Variants in PLEKHA7 observed in about 807,000 individuals in gnomAD.
PLEKHA7 encodes pleckstrin homology domain containing A7.
Under a neutral mutation model 170.0 loss-of-function variants are expected in PLEKHA7, and 104 were observed. The observed-to-expected ratio is 0.61, with a 90% CI of 0.52 to 0.72. The LOEUF is 0.72. PLEKHA7 is among the 30% of genes least tolerant of loss of function. The pLI, the probability that PLEKHA7 is intolerant of heterozygous loss-of-function variation, is 0.00. For synonymous variants in PLEKHA7, 648 were observed against 660.8 expected, an observed-to-expected ratio of 0.98 and a Z score of 0.30; for missense variants, 1,615 against 1,671.7, an observed-to-expected ratio of 0.97 and a Z score of 0.59.
intron 3 of PLEKHA7, among the ~76,000 whole-genome samples, chr11:16,965,420 G>A (rs1291323986): frequency 6.6e-6 from 1 of 152,148 alleles, no homozygotes; most frequent in Admixed American, 6.5e-5. Context: ...CAATGGCAAT[G>A]AGAAAGATAT....
rs144786144 is a variant in PLEKHA7 at position 16,836,658 on chromosome 11, T to C, written c.872+4889A>G. On this transcript the variant is annotated intron_variant, in intron 9 of 26. Transcript: ENST00000531066. ...GTCTGAACATCTTATTCTGGAAAAATAGAACATTTAATAAGTCTGTATTCG... is the reference window on the plus strand; with the variant it reads ...GTCTGAACATCTTATTCTGGAAAAACAGAACATTTAATAAGTCTGTATTCG... Among the ~76,000 whole-genome samples the C allele has an allele frequency of 2.5e-3, 378 of 152,280 alleles. 1 individual carries two copies. The highest frequency in any genetic ancestry group is 8.6e-3 in the African/African-American group (359 of 41,552).
chr11:16,801,635 C>G, intron 16 of PLEKHA7, 33 bp downstream of exon 16: 3 of 1,613,112 alleles, frequency 1.9e-6, no homozygotes, highest in Non-Finnish European at 2.5e-6. Context: ...TCAGCCCGTC[C>G]TGAGGGAGAC....
intron 3 of PLEKHA7, among the ~76,000 whole-genome samples, chr11:16,874,386 AGTCCCAGCTACTTG>A (rs1236785763): frequency 6.6e-6 from 1 of 152,128 alleles, no homozygotes; most frequent in East Asian, 1.9e-4. Flanking sequence ...ACGCACCTGT[AGTCCCAGCTACTTG>A]GGAGGCTGAG....
intron 13 of PLEKHA7, among the ~76,000 whole-genome samples, chr11:16,809,415 G>C (rs904214907): frequency 6.6e-6 from 1 of 152,186 alleles, no homozygotes; most frequent in Admixed American, 6.5e-5. Context: ...CAGCAGATCA[G>C]ATGCCAAGCA....
At chr11:16,847,282 TG>T (rs1469030726) in intron 8 of PLEKHA7, among the ~76,000 whole-genome samples, 1 of 151,618 alleles carries the variant, frequency 6.6e-6, no homozygotes, top group East Asian at 2.0e-4. Context: ...TTAGTAGAGA[TG>T]GGGTTTCACC....
intron 3 of PLEKHA7, among the ~76,000 whole-genome samples, chr11:16,928,211 G>A (rs1248226699): frequency 2.6e-5 from 4 of 152,162 alleles, no homozygotes; most frequent in African/African-American, 9.7e-5. Context: ...GGGCATTGCT[G>A]AGGTGGGAGG....
chr11:16,885,537 C>T (rs550889805), intron 3 of PLEKHA7, among the ~76,000 whole-genome samples: 1 of 151,132 alleles, frequency 6.6e-6, no homozygotes, highest in East Asian at 1.9e-4. Context: ...GGTGGCGGAG[C>T]CTGTAATCCC....
chr11:16,926,067 T>C (rs922960671), intron 3 of PLEKHA7, among the ~76,000 whole-genome samples: 3 of 152,142 alleles, frequency 2.0e-5, no homozygotes, highest in Non-Finnish European at 4.4e-5. Flanking sequence ...TGCTGTCGTC[T>C]CCCCTCCAAG....
At chr11:16,852,437 A>G in intron 6 of PLEKHA7, 82 bp from the exon 7 acceptor site, 1 of 1,206,682 alleles carries the variant, frequency 8.3e-7, no homozygotes, top group Non-Finnish European at 1.2e-6. Context: ...TGATTCCAGA[A>G]CCAAATATTT....
chr11:16,965,191 C>T (rs937751511), intron 3 of PLEKHA7, among the ~76,000 whole-genome samples: 5 of 151,892 alleles, frequency 3.3e-5, no homozygotes, highest in South Asian at 4.2e-4. Context: ...GGTGTGGTAG[C>T]GCGTGCCTAT....
At chr11:16,922,173 T>TACATTTTTG (rs1554972805) in intron 3 of PLEKHA7, among the ~76,000 whole-genome samples, 1 of 151,780 alleles carries the variant, frequency 6.6e-6, no homozygotes, top group East Asian at 1.9e-4. Flanking sequence ...CAGCACAAAA[T>TACATTTTTG]ACATTCTTAT....
At chr11:16,998,284 C>T (rs1391796915) in intron 3 of PLEKHA7, among the ~76,000 whole-genome samples, 1 of 152,080 alleles carries the variant, frequency 6.6e-6, no homozygotes, top group Non-Finnish European at 1.5e-5. Flanking sequence ...GAGCAAAACC[C>T]AACACGAACC....
intron 3 of PLEKHA7, among the ~76,000 whole-genome samples, chr11:16,965,789 G>A (rs1862336795): frequency 1.3e-5 from 2 of 152,212 alleles, no homozygotes; most frequent in South Asian, 4.1e-4. Context: ...AAAATACTAA[G>A]TATCTATGTC....
Position 16,799,963 on chromosome 11 carries a change from C to G in PLEKHA7, c.2409+1011G>C, listed in dbSNP as rs560377166. Among the ~76,000 whole-genome samples the G allele has an allele frequency of 3.9e-5, 6 of 152,306 alleles. No individual in the cohort carries two copies. In the East Asian group the frequency reaches 9.7e-4, roughly 25 times the overall value. Reference sequence around the variant, plus strand: ...GCCTCAGGGCCCACACACCTACACCCTACTCCAGAATTTCCTTCAACTTTC... The same window carrying G: ...GCCTCAGGGCCCACACACCTACACCGTACTCCAGAATTTCCTTCAACTTTC... On this transcript the variant is annotated intron_variant, in intron 17 of 26. Transcript: ENST00000531066.
chr11:17,013,939 G>GCCCC (rs1865487537), intron 3 of PLEKHA7, 50 bp downstream of exon 3: 1 of 1,421,298 alleles, frequency 7.0e-7, no homozygotes, highest in African/African-American at 2.2e-5. Flanking sequence ...AACGGGGAGG[G>GCCCC]ACCCCCCCCC....
In PLEKHA7 at chr11:16,778,785, T is replaced by C. The variant is rs1208650033; in HGVS notation, c.*213A>G. 5 of 597,918 alleles carry C rather than the reference T, an allele frequency of 8.4e-6. No homozygotes were observed. Among genetic ancestry groups the C allele is most frequent in the South Asian group, 2.0e-5 (1 of 50,632 alleles). The allele number at this position is 597,918 out of a possible 1,614,324, so 37.0% of individuals were successfully genotyped here. On this transcript the variant is annotated 3_prime_UTR_variant, in exon 27 of 27. Transcript: ENST00000531066. ...TTACAGTGTATATCAAAAGTGCCTT[T>C]GCCATTCATATGTAGAGAGGAGTCT... is the stretch of plus-strand genomic sequence containing the variant.
chr11:16,992,067 G>A (rs1864074894), intron 3 of PLEKHA7, among the ~76,000 whole-genome samples: 1 of 135,438 alleles, frequency 7.4e-6, no homozygotes, highest in Non-Finnish European at 1.7e-5. Context: ...ACTGAATTTG[G>A]TCCAGGGACC....
intron 26 of PLEKHA7, among the ~76,000 whole-genome samples, chr11:16,782,396 A>G (rs1849100056): frequency 6.6e-6 from 1 of 152,310 alleles, no homozygotes; most frequent in East Asian, 1.9e-4. Context: ...CCCCTTCTTC[A>G]TGAGGTCAGA....
chr11:16,790,141 A>G (rs1254021678), intron 21 of PLEKHA7: 11 of 473,992 alleles, frequency 2.3e-5, no homozygotes, highest in Non-Finnish European at 3.8e-5. Context: ...CATGCAGATG[A>G]CTGGGCTGCC....
Sources: gnomAD v4.1 joint callset for allele counts (sites outside exome capture counted in the v4.1 genomes callset) on GRCh38, gnomAD v4.1.1 for gene constraint, MANE v1.5 for transcripts, NCBI Gene and HGNC (gene_info 2026-07-23, HGNC 2026-07-21) for gene names.